Variants in SDK2 observed in about 807,000 individuals in gnomAD.
SDK2 encodes sidekick cell adhesion molecule 2.
SDK2 carries 105 observed loss-of-function variants against 253.9 expected under a neutral mutation model. The ratio of observed to expected loss-of-function variants is 0.41; its 90% CI spans 0.35 to 0.49. The LOEUF is 0.49. SDK2 is among the 20% of genes least tolerant of loss of function. The pLI is 0.06. For synonymous variants in SDK2, 1,249 were observed against 1,234.9 expected, an observed-to-expected ratio of 1.01 and a Z score of -0.24; for missense variants, 2,608 against 3,003.0, an observed-to-expected ratio of 0.87 and a Z score of 3.07.
intron 21 of SDK2, 142 bp from the exon 22 acceptor site, chr17:73,399,431 C>T: frequency 1.2e-6 from 1 of 853,600 alleles, no homozygotes; most frequent in South Asian, 1.7e-5. Flanking sequence ...GGCCCCACTC[C>T]ACCCACAGTC....
At chr17:73,369,168 C>A (rs1404338959) in intron 36 of SDK2, 1 of 471,036 alleles carries the variant, frequency 2.1e-6, no homozygotes, top group East Asian at 6.9e-5. Context: ...TACCATAGCG[C>A]TGGCACATCA....
chr17:73,432,744 G>T (rs1451771307), intron 10 of SDK2, among the ~76,000 whole-genome samples: 1 of 149,760 alleles, frequency 6.7e-6, no homozygotes, highest in Non-Finnish European at 1.5e-5. Context: ...GCTTGCCGGT[G>T]TGAAGGAGCA....
rs2063380408 is a variant in SDK2, at chr17:73,437,652, G to T, written c.1000+87C>A. 4.3e-6 allele frequency: 5 copies of T among 1,159,200 alleles called. No individual in the cohort carries two copies. The African/African-American group carries it at 7.6e-5, about 18-fold the overall frequency. The allele number at this position is 1,159,200 out of a possible 1,614,324, so 71.8% of individuals were successfully genotyped here. On this transcript the variant is annotated intron_variant, in intron 8 of 44. Coordinates refer to ENST00000392650, the MANE Select transcript of SDK2 (RefSeq NM_001144952.2). ...CCTAGTGACATGGTCTCGAGAAGAA[G>T]CTGGAATTTAGAAATGTCCACAATG...
chr17:73,532,952 A>G (rs2064181734), intron 1 of SDK2, among the ~76,000 whole-genome samples: 1 of 152,160 alleles, frequency 6.6e-6, no homozygotes, highest in East Asian at 1.9e-4. Context: ...GCACTTAATA[A>G]AGGCATTTAA....
intron 1 of SDK2, among the ~76,000 whole-genome samples, chr17:73,560,369 C>G (rs926057424): frequency 6.6e-6 from 1 of 152,106 alleles, no homozygotes. Context: ...TGAGACGGAG[C>G]CTTGCTCTGT....
Position 73,435,594 on chromosome 17 carries a change from C to T in SDK2, c.1051G>A (p.Val351Met), listed in dbSNP as rs1190431073. The change falls in exon 9 of 45, where the codon GTG becomes ATG. Residue 351 changes from valine (V) to methionine (M), a missense_variant. Transcript: ENST00000392650. This position sits in a 1 kb window ranked among gnomAD's most constrained non-coding sequence, Gnocchi z 5.7. ...TWYKDAAVVE[V>M]EKLTRFRQRN... is the part of the protein sequence containing the mutation. ...TGCCGGAAGCGGGTCAACTTCTCCA[C>T]CTCCACCACGGCTGCGTCCTTGTAC... 1.9e-6 allele frequency: 3 copies of T among 1,579,304 alleles called. No individual in the cohort carries two copies. Among genetic ancestry groups the T allele is most frequent in the South Asian group, 2.3e-5 (2 of 86,072 alleles).
At chr17:73,392,425 C>T (rs1289588935) in intron 27 of SDK2, among the ~76,000 whole-genome samples, 2 of 152,126 alleles carry the variant, frequency 1.3e-5, no homozygotes, top group Non-Finnish European at 2.9e-5. Flanking sequence ...TGTGCCACCA[C>T]ACCCGGCTAA....
chr17:73,640,202 C>G (rs915315765), intron 1 of SDK2, among the ~76,000 whole-genome samples: 2 of 143,338 alleles, frequency 1.4e-5, no homozygotes, highest in African/African-American at 2.6e-5. Context: ...GTAGAGGACA[C>G]GAGGAAGAGG....
At position 73,642,113 on chromosome 17, in the gene SDK2, C is replaced by A. The variant is rs566767673; in HGVS notation, c.64+1912G>T. 6.6e-6 allele frequency among the ~76,000 whole-genome samples: 1 copy of A among 152,308 alleles called. No homozygotes were observed. The highest frequency in any genetic ancestry group is 6.5e-5 in the Admixed American group (1 of 15,308). Reference sequence around the variant, plus strand: ...ACAGGGAAGCCCCTCCCGCAGGAGGCGCAGGGACAGGGGGCCACCTGGCCT... The same window carrying A: ...ACAGGGAAGCCCCTCCCGCAGGAGGAGCAGGGACAGGGGGCCACCTGGCCT... On this transcript the variant is annotated intron_variant, in intron 1 of 44. Transcript: ENST00000392650. The surrounding 1 kb of genome is among the most constrained non-coding windows in gnomAD (Gnocchi z 4.7).
Position 73,495,323 on chromosome 17 carries a change from G to A in SDK2, c.224+12115C>T, listed in dbSNP as rs140313379. On this transcript the variant is annotated intron_variant, in intron 2 of 44. Transcript: ENST00000392650. Reference sequence around the variant, plus strand: ...GTGCTGTTGCCCCAGGACACAGGTGGCAGCATCTGGAGACATTTTTGGTTG... The same window carrying A: ...GTGCTGTTGCCCCAGGACACAGGTGACAGCATCTGGAGACATTTTTGGTTG... 4.6e-3 allele frequency among the ~76,000 whole-genome samples: 694 copies of A among 152,356 alleles called. 6 individuals carry two copies. Among genetic ancestry groups the A allele is most frequent in the East Asian group, 0.024 (126 of 5,188 alleles).
intron 40 of SDK2, among the ~76,000 whole-genome samples, chr17:73,353,213 G>A (rs1047800232): frequency 3.3e-5 from 5 of 152,136 alleles, no homozygotes; most frequent in African/African-American, 1.2e-4. Context: ...CCACCGTCCA[G>A]AGAAACAGGC....
chr17:73,350,244 A>T lies in SDK2; in HGVS notation c.6031T>A (p.Tyr2011Asn). The T allele has an allele frequency of 1.0e-6, 1 of 1,003,272 alleles. No homozygotes were observed. The highest frequency in any genetic ancestry group is 1.3e-6 in the Non-Finnish European group (1 of 780,996). 62.1% of individuals were successfully genotyped at this position (1,003,272 alleles called of 1,614,324 possible). A position where few individuals can be genotyped will look rare whatever the true frequency, so the allele number is the denominator to read the frequency against. ...KNSFCRKNGL[Y>N]TRSPPRPSPG... ...ACGCAGAGGGCCCAGTACCTGGTGT[A>T]CAGGCCGTTCTTTCGGCAGAAAGAG... The change falls in exon 43 of 45, where the codon TAC (tyrosine) becomes AAC (asparagine). Residue 2011 changes from tyrosine (Y) to asparagine (N), a missense_variant. By Grantham distance (143) the Tyr-to-Asn change is moderately radical. Around this residue, in one of 2 missense-constraint regions of SDK2, gnomAD observed 1,103 missense variants for 1,143.9 expected, o/e 0.96. Coordinates refer to ENST00000392650, the MANE Select transcript of SDK2 (RefSeq NM_001144952.2).
chr17:73,572,841 G>A (rs1451648175), intron 1 of SDK2, among the ~76,000 whole-genome samples: 1 of 152,190 alleles, frequency 6.6e-6, no homozygotes, highest in African/African-American at 2.4e-5. Context: ...AATCTGGTCA[G>A]TATCTACTTG....
chr17:73,376,674 C>T (rs1236308343), intron 36 of SDK2, among the ~76,000 whole-genome samples: 1 of 151,990 alleles, frequency 6.6e-6, no homozygotes, highest in Non-Finnish European at 1.5e-5. Context: ...TGTCTATTAA[C>T]TCACCACTTA....
chr17:73,624,098 GA>G, intron 1 of SDK2, among the ~76,000 whole-genome samples: 1 of 152,322 alleles, frequency 6.6e-6, no homozygotes, highest in South Asian at 2.1e-4. Context: ...CAGGGAGGAG[GA>G]CTTCCCTCTG....
chr17:73,388,672 G>A (rs958209802), intron 29 of SDK2, among the ~76,000 whole-genome samples: 12 of 152,098 alleles, frequency 7.9e-5, no homozygotes, highest in Admixed American at 3.9e-4. Context: ...GGCCAAAGAA[G>A]TCCCCAGTTG....
At chr17:73,606,047 G>A (rs1454487880) in intron 1 of SDK2, among the ~76,000 whole-genome samples, 2 of 152,118 alleles carry the variant, frequency 1.3e-5, no homozygotes, top group African/African-American at 2.4e-5. Context: ...TTGTTGACGT[G>A]CTGATGGGAT....
rs2145643961 is a variant in SDK2 at position 73,447,513 on chromosome 17, C to G, written c.613+102G>C. ...CCCGGCCGTCCCCTAGCTTCCCTGT[C>G]CCCCTCCTCTGCCACTCCATCTTCC... On this transcript the variant is annotated intron_variant, in intron 5 of 44. Coordinates refer to ENST00000392650, the MANE Select transcript of SDK2 (RefSeq NM_001144952.2). The surrounding 1 kb of genome is among the most constrained non-coding windows in gnomAD (Gnocchi z 4.0). 6.7e-7 allele frequency: 1 copy of G among 1,485,042 alleles called. No homozygotes were observed. The highest frequency in any genetic ancestry group is 2.5e-5 in the East Asian group (1 of 40,298). The allele number at this position is 1,485,042 out of a possible 1,614,324, so 92.0% of individuals were successfully genotyped here. A position where few individuals can be genotyped will look rare whatever the true frequency, so the allele number is the denominator to read the frequency against.
chr17:73,607,688 C>G (rs536115078), intron 1 of SDK2, among the ~76,000 whole-genome samples: 55 of 152,140 alleles, frequency 3.6e-4, no homozygotes, highest in African/African-American at 1.2e-3. Context: ...GAAGGGGTTG[C>G]AGGGCAGGCT....
Sources: gnomAD v4.1 joint callset for allele counts (sites outside exome capture counted in the v4.1 genomes callset) on GRCh38, gnomAD v4.1.1 for gene constraint, gnomAD v4.1.1 regional missense constraint, Gnocchi (gnomAD v3.1) non-coding constraint, MANE v1.5 for transcripts, NCBI Gene and HGNC (gene_info 2026-07-23, HGNC 2026-07-21) for gene names.